Variants in FUT8 observed in about 807,000 individuals in gnomAD.
The protein encoded by FUT8 is fucosyltransferase 8.
In FUT8, 29 loss-of-function variants were observed where a neutral mutation model predicts 71.3. The ratio of observed to expected loss-of-function variants is 0.41; its 90% CI spans 0.30 to 0.55. The LOEUF (loss-of-function observed/expected upper bound fraction) is 0.55, where lower values mean the gene tolerates loss of function less well. Ranked by LOEUF, FUT8 falls within the 20% of genes least tolerant of loss-of-function variation. FUT8 has a pLI of 0.34. For synonymous variants in FUT8, 254 were observed against 239.3 expected (o/e 1.06, Z -0.57); for missense variants, 544 against 702.1 (o/e 0.77, Z 2.55).
intron 2 of FUT8, among the ~76,000 whole-genome samples, chr14:65,493,393 T>G (rs2066512093): frequency 6.6e-6 from 1 of 152,040 alleles, no homozygotes; most frequent in Non-Finnish European, 1.5e-5. Context: ...TTCATTTTGT[T>G]AGATATATTT....
intron 1 of FUT8, among the ~76,000 whole-genome samples, chr14:65,444,828 A>G (rs917189640): frequency 2.0e-5 from 3 of 152,186 alleles, no homozygotes; most frequent in African/African-American, 4.8e-5. Context: ...CACCAATGCA[A>G]CAGTGTTGGG....
At chr14:65,412,131 G>T, upstream of FUT8, 1 of 456,674 alleles carries the variant, frequency 2.2e-6, no homozygotes. Context: ...GGCCCTCGTG[G>T]GGGGGGTCTT....
At chr14:65,533,988 G>A (rs1884120964) in intron 2 of FUT8, among the ~76,000 whole-genome samples, 1 of 152,116 alleles carries the variant, frequency 6.6e-6, no homozygotes, top group Non-Finnish European at 1.5e-5. Context: ...ACTTGATCAT[G>A]GTGAATTAGC....
chr14:65,482,937 C>T (rs79137249), intron 2 of FUT8, among the ~76,000 whole-genome samples: 2,616 of 152,258 alleles, frequency 0.017, 32 homozygotes, highest in Middle Eastern at 0.048. Flanking sequence ...GGCTTTCCCA[C>T]TCTACAGTTT....
At chr14:65,678,991 A>G (rs1892903305) in intron 7 of FUT8, among the ~76,000 whole-genome samples, 1 of 152,162 alleles carries the variant, frequency 6.6e-6, no homozygotes, top group Admixed American at 6.5e-5. Flanking sequence ...TGGGTCTTGT[A>G]TATTATATTT....
intron 7 of FUT8, among the ~76,000 whole-genome samples, chr14:65,674,264 G>A (rs1369171048): frequency 1.3e-5 from 2 of 152,076 alleles, no homozygotes; most frequent in East Asian, 3.8e-4. Context: ...TGATTTCTCT[G>A]TTTAGGGGAT....
At chr14:65,641,191 A>G (rs1890812082) in intron 6 of FUT8, among the ~76,000 whole-genome samples, 1 of 152,092 alleles carries the variant, frequency 6.6e-6, no homozygotes, top group South Asian at 2.1e-4. Flanking sequence ...ACCTTCATCC[A>G]CAGGTTTAAC....
chr14:65,390,071 G>A, the FUT8 span, among the ~76,000 whole-genome samples: 2 of 151,100 alleles, frequency 1.3e-5, no homozygotes, highest in Admixed American at 6.6e-5. Context: ...AGCCCAGGGA[G>A]GTTTAGGCTG....
At chr14:65,724,648 C>CA (rs1314652295) in intron 9 of FUT8, among the ~76,000 whole-genome samples, 1 of 152,168 alleles carries the variant, frequency 6.6e-6, no homozygotes, top group African/African-American at 2.4e-5. Flanking sequence ...GCTGCCATAA[C>CA]AAAATAACAT....
intron 3 of FUT8, among the ~76,000 whole-genome samples, chr14:65,564,773 G>A (rs1886099241): frequency 6.6e-6 from 1 of 151,974 alleles, no homozygotes; most frequent in African/African-American, 2.4e-5. Flanking sequence ...GAATTACATA[G>A]TATGTAGCCT....
chr14:65,507,312 A>G (rs2066751152), intron 2 of FUT8, among the ~76,000 whole-genome samples: 1 of 152,186 alleles, frequency 6.6e-6, no homozygotes. Flanking sequence ...GTCTGTCTCT[A>G]TAACTATCTT....
the FUT8 span, among the ~76,000 whole-genome samples, chr14:65,390,422 T>C: frequency 6.6e-6 from 1 of 151,686 alleles, no homozygotes; most frequent in East Asian, 1.9e-4. Flanking sequence ...GACTAGGGGA[T>C]AGTGTAGAAG....
At chr14:65,394,565 T>C in the FUT8 span, among the ~76,000 whole-genome samples, 1 of 152,154 alleles carries the variant, frequency 6.6e-6, no homozygotes, top group African/African-American at 2.4e-5. Context: ...GTTCAAAGTC[T>C]CATTTGAGAC....
intron 1 of FUT8, among the ~76,000 whole-genome samples, chr14:65,426,786 T>C (rs960623818): frequency 3.9e-5 from 6 of 152,202 alleles, no homozygotes; most frequent in Non-Finnish European, 7.3e-5. Flanking sequence ...CCAACAGGAT[T>C]GTCTTACTTT....
intron 2 of FUT8, among the ~76,000 whole-genome samples, chr14:65,463,376 C>T (rs1369261244): frequency 6.6e-6 from 1 of 152,112 alleles, no homozygotes; most frequent in African/African-American, 2.4e-5. Context: ...AGGTGATTCT[C>T]CCACATCAGC....
chr14:65,614,510 A>G, intron 3 of FUT8, among the ~76,000 whole-genome samples: 1 of 152,218 alleles, frequency 6.6e-6, no homozygotes, highest in Non-Finnish European at 1.5e-5. Flanking sequence ...ATCTGAATTG[A>G]GTTTCACTGC....
intron 2 of FUT8, among the ~76,000 whole-genome samples, chr14:65,536,976 T>C (rs886995569): frequency 1.5e-4 from 23 of 149,916 alleles, no homozygotes; most frequent in Non-Finnish European, 1.6e-4. Flanking sequence ...CTTCTTTTTT[T>C]TTTTTTTTTG....
At chr14:65,551,924 G>A (rs564527013) in intron 2 of FUT8, among the ~76,000 whole-genome samples, 83 of 152,154 alleles carry the variant, frequency 5.5e-4, no homozygotes, top group African/African-American at 1.9e-3. Flanking sequence ...TGATAAAATA[G>A]CTTAGTTTCA....
At chr14:65,706,559 A>G (rs117186886) in intron 7 of FUT8, among the ~76,000 whole-genome samples, 17 of 152,218 alleles carry the variant, frequency 1.1e-4, no homozygotes, top group South Asian at 4.2e-4. Context: ...AACAACAGCA[A>G]TTTATTTCTT....
Sources: gnomAD v4.1 joint callset for allele counts (sites outside exome capture counted in the v4.1 genomes callset) on GRCh38, gnomAD v4.1.1 for gene constraint, MANE v1.5 for transcripts, NCBI Gene and HGNC (gene_info 2026-07-23, HGNC 2026-07-21) for gene names.